COPG2: variants seen among roughly 807,000 people sequenced by gnomAD.
COPG2 encodes coat protein complex I subunit gamma 2, also known as coatomer subunit gamma-2.
Under a neutral mutation model 46.3 loss-of-function variants are expected in COPG2, and 37 were observed. The observed-to-expected ratio is 0.80, with a 90% CI of 0.61 to 1.05. The LOEUF (loss-of-function observed/expected upper bound fraction) is 1.05. Among genes scored for constraint, COPG2 ranks in the 50% least tolerant of loss-of-function variants. The pLI, the probability that COPG2 is intolerant of heterozygous loss-of-function variation, is 0.00. For synonymous variants in COPG2, 159 were observed against 129.7 expected (o/e 1.23, Z -1.53); for missense variants, 427 against 387.8 (o/e 1.10, Z -0.85).
At chr7:130,549,031 G>T (rs1407181851) in intron 18 of COPG2, among the ~76,000 whole-genome samples, 142 of 120,698 alleles carry the variant, frequency 1.2e-3, no homozygotes, top group African/African-American at 4.4e-3. Context: ...ATATATTAAT[G>T]AAAGCAAAAA....
intron 17 of COPG2, among the ~76,000 whole-genome samples, chr7:130,549,992 T>A (rs1280513167): frequency 6.6e-6 from 1 of 152,214 alleles, no homozygotes; most frequent in Admixed American, 6.5e-5. Context: ...TCAGATACTG[T>A]AATGCTTTGC....
intron 20 of COPG2, among the ~76,000 whole-genome samples, chr7:130,530,941 A>G: frequency 1.3e-5 from 2 of 151,826 alleles, no homozygotes; most frequent in East Asian, 1.9e-4. Context: ...CGGAAAGTGT[A>G]AAAGGGGTGG....
chr7:130,550,633 TAC>T lies in COPG2; in HGVS notation c.1663_1664del (p.Val555ThrfsTer20), dbSNP rs1301678015. 1 of 397,890 alleles carries T rather than the reference TAC, an allele frequency of 2.5e-6. No individual in the cohort carries two copies. Among genetic ancestry groups the T allele is most frequent in the Non-Finnish European group, 4.4e-6 (1 of 225,720 alleles). 24.6% of individuals were successfully genotyped at this position (397,890 alleles called of 1,614,324 possible). A position where few individuals can be genotyped will look rare whatever the true frequency, so the allele number is the denominator to read the frequency against. On this transcript the variant is annotated frameshift_variant, in exon 17 of 24. Coordinates refer to ENST00000425248, the MANE Select transcript of COPG2 (RefSeq NM_012133.6). LOFTEE classifies it high-confidence loss of function. ...GGTGTAAGGCTTTTTCCATCCCTGG[TAC>T]AGAGACCGTCAAACCTGTGAAACAT... ...TYIFNGLTVS[V>X]PGMEKALHQY...
chr7:130,509,812 A>G, intron 20 of COPG2: 1 of 508,304 alleles, frequency 2.0e-6, no homozygotes, highest in South Asian at 1.4e-5. Flanking sequence ...TTAAGTTTTA[A>G]GAGAGTGCCA....
chr7:130,513,575 C>T (rs1258534994), intron 20 of COPG2, among the ~76,000 whole-genome samples: 2 of 151,428 alleles, frequency 1.3e-5, no homozygotes, highest in Non-Finnish European at 2.9e-5. Flanking sequence ...GAACTGGTGT[C>T]ATGAGGAAGT....
At chr7:130,560,917 T>C (rs952135356) in intron 12 of COPG2, 116 bp downstream of exon 12, 5 of 396,576 alleles carry the variant, frequency 1.3e-5, no homozygotes, top group South Asian at 1.4e-4. Context: ...AAGAAAAAAA[T>C]TGATAAATTA....
At chr7:130,536,150 G>C (rs1743466468) in intron 20 of COPG2, among the ~76,000 whole-genome samples, 1 of 152,148 alleles carries the variant, frequency 6.6e-6, no homozygotes, top group Non-Finnish European at 1.5e-5. Flanking sequence ...CTCTCATGCA[G>C]ACTGGGCTTT....
chr7:130,588,721 C>T (rs1203035631), intron 9 of COPG2, among the ~76,000 whole-genome samples: 2 of 152,004 alleles, frequency 1.3e-5, no homozygotes, highest in Non-Finnish European at 2.9e-5. Flanking sequence ...GGGTGCAGCA[C>T]ACCAGCATGG....
At chr7:130,574,491 G>A (rs1793970280) in intron 9 of COPG2, among the ~76,000 whole-genome samples, 1 of 152,158 alleles carries the variant, frequency 6.6e-6, no homozygotes, top group African/African-American at 2.4e-5. Context: ...CATAGGAAAA[G>A]GGGGAGAGTA....
At chr7:130,658,565 T>C (rs1344737468) in intron 4 of COPG2, among the ~76,000 whole-genome samples, 1 of 151,816 alleles carries the variant, frequency 6.6e-6, no homozygotes, top group Admixed American at 6.6e-5. Context: ...AAAATAATAG[T>C]CCAGTAAATG....
At position 130,549,369 on chromosome 7, in the gene COPG2, T is replaced by G. The variant is rs1793498702; in HGVS notation, c.1782A>C (p.Thr594=). ...APVFEQKAEI[T]LVATKPEKLA... is the part of the protein sequence containing the mutation. ...ACTTCTCTGGCTTAGTAGCCACAAG[T>G]GTGATTTCTATAAAGACAGATATGA... Residue 594 remains threonine, a synonymous_variant, in exon 18 of 24, where the codon ACA becomes ACC. Transcript: ENST00000425248. The G allele has an allele frequency of 2.5e-6, 1 of 398,470 alleles. No homozygotes were observed. The allele number at this position is 398,470 out of a possible 1,614,324, so 24.7% of individuals were successfully genotyped here. A position where few individuals can be genotyped will look rare whatever the true frequency, so the allele number is the denominator to read the frequency against.
intron 20 of COPG2, among the ~76,000 whole-genome samples, chr7:130,524,306 G>C (rs1204202847): frequency 1.3e-5 from 2 of 152,044 alleles, no homozygotes; most frequent in Non-Finnish European, 1.5e-5. Flanking sequence ...CTGAGTTCAC[G>C]ACTTAGGCCA....
chr7:130,634,551 T>C (rs911064208), intron 5 of COPG2, among the ~76,000 whole-genome samples: 5 of 152,206 alleles, frequency 3.3e-5, no homozygotes, highest in Non-Finnish European at 7.3e-5. Context: ...CCTGTGATTT[T>C]TGCACACTGA....
intron 9 of COPG2, among the ~76,000 whole-genome samples, chr7:130,605,016 T>G (rs559346002): frequency 6.6e-6 from 1 of 152,354 alleles, no homozygotes; most frequent in Non-Finnish European, 1.5e-5. Context: ...TACTGGGAAA[T>G]ATTTGGTCAT....
chr7:130,605,905 C>T (rs1207196929), intron 9 of COPG2: 1 of 391,194 alleles, frequency 2.6e-6, no homozygotes, highest in Non-Finnish European at 5.1e-6. Flanking sequence ...AAAAAACTAA[C>T]AGATTTTGGT....
chr7:130,589,486 T>C (rs1251075704), intron 9 of COPG2, among the ~76,000 whole-genome samples: 1 of 152,116 alleles, frequency 6.6e-6, no homozygotes, highest in Non-Finnish European at 1.5e-5. Context: ...GGTCTTGCTA[T>C]GTTGGCGGGG....
intron 9 of COPG2, among the ~76,000 whole-genome samples, chr7:130,591,203 C>T (rs1185833236): frequency 2.8e-5 from 4 of 140,486 alleles, no homozygotes; most frequent in African/African-American, 5.3e-5. Context: ...CGCCTCTGCC[C>T]GGCCGCCCCT....
intron 9 of COPG2, among the ~76,000 whole-genome samples, chr7:130,585,965 G>C (rs1004280011): frequency 6.6e-6 from 1 of 152,100 alleles, no homozygotes; most frequent in South Asian, 2.1e-4. Flanking sequence ...ATCCCACTAC[G>C]CAGTATCTAC....
At chr7:130,534,953 C>T (rs1799863994) in intron 20 of COPG2, among the ~76,000 whole-genome samples, 2 of 152,042 alleles carry the variant, frequency 1.3e-5, no homozygotes, top group Non-Finnish European at 2.9e-5. Context: ...AAAGAGGAAA[C>T]AAGGCTGGAG....
Sources: gnomAD v4.1 joint callset for allele counts (sites outside exome capture counted in the v4.1 genomes callset) on GRCh38, gnomAD v4.1.1 for gene constraint, MANE v1.5 for transcripts, NCBI Gene and HGNC (gene_info 2026-07-23, HGNC 2026-07-21) for gene names.